CS: variants seen among roughly 807,000 people sequenced by gnomAD.
CS encodes citrate synthase, mitochondrial.
In CS, 13 loss-of-function variants were observed where a neutral mutation model predicts 61.4. That is an observed-to-expected ratio of 0.21 (90% CI 0.14 to 0.34). The LOEUF (loss-of-function observed/expected upper bound fraction) is 0.34. Ranked by LOEUF, CS falls within the 10% of genes least tolerant of loss-of-function variation. The probability of loss-of-function intolerance (pLI) is 1.00; values close to 1 mark genes in which losing one functional copy is unlikely to be tolerated. For missense variants in CS, 278 were observed against 573.4 expected, an observed-to-expected ratio of 0.48 and a Z score of 5.26; for synonymous variants, 159 against 215.2, an observed-to-expected ratio of 0.74 and a Z score of 2.29.
chr12:56,287,566 TTC>T (rs888174032), intron 1 of CS, among the ~76,000 whole-genome samples: 6 of 151,884 alleles, frequency 4.0e-5, no homozygotes, highest in African/African-American at 9.7e-5. Flanking sequence ...TACAGGTAGT[TTC>T]TTTTTTCCTC....
Position 56,283,001 on chromosome 12 carries a change from GGAGA to G in CS, c.268-14_268-11del, listed in dbSNP as rs773439199. ...CTCGGAAACGGATGCCCTTGAGAGA[GGAGA>G]GAGAGAATTACAACTCAAGTTTATA... On this transcript the variant is annotated splice_polypyrimidine_tract_variant and intron_variant, in intron 4 of 10. Coordinates refer to ENST00000351328, the MANE Select transcript of CS (RefSeq NM_004077.3). 3.1e-6 allele frequency: 5 copies of G among 1,613,874 alleles called. No individual in the cohort carries two copies. Among genetic ancestry groups the G allele is most frequent in the Admixed American group, 1.7e-5 (1 of 59,974 alleles).
intron 7 of CS, 80 bp downstream of exon 7, chr12:56,275,916 A>C (rs763049618): frequency 8.3e-6 from 10 of 1,199,520 alleles, no homozygotes; most frequent in Non-Finnish European, 1.2e-5. Context: ...TTCTCAGAAG[A>C]TGAGAACATA....
Position 56,283,155 on chromosome 12 carries a change from C to A in CS, c.268-164G>T, listed in dbSNP as rs138126928. On this transcript the variant is annotated intron_variant, in intron 4 of 10. Coordinates refer to ENST00000351328, the MANE Select transcript of CS (RefSeq NM_004077.3). ...CTATGTTGCTCAGACTGGTCCCGAT[C>A]TTCTGGCCTCACGCAATGCTCCACC... Among the ~76,000 whole-genome samples, 634 of 152,304 alleles carry A rather than the reference C, an allele frequency of 4.2e-3. 4 individuals carry two copies. Among genetic ancestry groups the A allele is most frequent in the African/African-American group, 0.014 (584 of 41,568 alleles).
rs1873316356 is a variant in CS, at chr12:56,296,659, CT to C, written c.42+3500del. On this transcript the variant is annotated intron_variant, in intron 1 of 10. Coordinates refer to ENST00000351328, the MANE Select transcript of CS (RefSeq NM_004077.3). The stretch of plus-strand genomic sequence containing the variant: ...TCCACCAAGTCTGGTTTCCCTTCTG[CT>C]GCCCCTTGGATTTTAAGTCAGGAAT... 2.0e-5 allele frequency among the ~76,000 whole-genome samples: 3 copies of C among 152,306 alleles called. No individual in the cohort carries two copies. The South Asian group carries it at 6.2e-4, about 32-fold the overall frequency.
At position 56,272,817 on chromosome 12, in the gene CS, C is replaced by A. The variant is rs1010004409; in HGVS notation, c.*267G>T. The stretch of plus-strand genomic sequence containing the variant: ...AGAGATAGTGAGGGGGCCAAACCTA[C>A]TCATACCACATGCATTAGTCCTGGT... On this transcript the variant is annotated 3_prime_UTR_variant, in exon 11 of 11. Transcript: ENST00000351328. 4 of 315,314 alleles carry A rather than the reference C, an allele frequency of 1.3e-5. No individual in the cohort carries two copies. The highest frequency in any genetic ancestry group is 2.4e-5 in the Non-Finnish European group (4 of 169,924). 19.5% of individuals were successfully genotyped at this position (315,314 alleles called of 1,614,324 possible). A position where few individuals can be genotyped will look rare whatever the true frequency, so the allele number is the denominator to read the frequency against.
chr12:56,276,858 C>G (rs1872634343), intron 6 of CS, among the ~76,000 whole-genome samples: 1 of 151,950 alleles, frequency 6.6e-6, no homozygotes, highest in African/African-American at 2.4e-5. Context: ...TATGTTTAAT[C>G]ATGATCTTTT....
intron 2 of CS, 26 bp from the exon 3 acceptor site, chr12:56,286,049 G>A (rs1168895467): frequency 1.3e-6 from 2 of 1,567,412 alleles, no homozygotes; most frequent in South Asian, 2.2e-5. Context: ...GAAGGACTAA[G>A]CAATGGTCTA....
chr12:56,272,542 G>C lies in CS; in HGVS notation c.*542C>G, dbSNP rs1288854267. On this transcript the variant is annotated 3_prime_UTR_variant, in exon 11 of 11. Transcript: ENST00000351328. ...GCCATGCCTTTATGGTCACTTGGTA[G>C]TATAAAAAAATTGCCAAAGCATGTC... The C allele has an allele frequency of 6.5e-6, 1 of 152,914 alleles. No homozygotes were observed. The highest frequency in any genetic ancestry group is 2.4e-5 in the African/African-American group (1 of 41,456). The allele number at this position is 152,914 out of a possible 1,614,324, so 9.5% of individuals were successfully genotyped here. A position where few individuals can be genotyped will look rare whatever the true frequency, so the allele number is the denominator to read the frequency against.
chr12:56,286,051 A>C, intron 2 of CS, 28 bp from the exon 3 acceptor site: 1 of 1,567,578 alleles, frequency 6.4e-7, no homozygotes, highest in Middle Eastern at 1.7e-4. Flanking sequence ...AGGACTAAGC[A>C]ATGGTCTAAA....
chr12:56,279,327 G>A (rs888284169), intron 6 of CS, among the ~76,000 whole-genome samples: 3 of 151,988 alleles, frequency 2.0e-5, no homozygotes, highest in Admixed American at 2.0e-4. Flanking sequence ...TAAGGTATAT[G>A]TAAAAACAAC....
At chr12:56,280,111 G>A (rs561031303) in intron 6 of CS, among the ~76,000 whole-genome samples, 2 of 150,664 alleles carry the variant, frequency 1.3e-5, no homozygotes, top group East Asian at 4.0e-4. Context: ...AGCCAACATG[G>A]TGAAACTCTA....
intron 6 of CS, among the ~76,000 whole-genome samples, chr12:56,280,425 C>A (rs813884): frequency 0.64 from 74,805 of 117,388 alleles, 25,167 homozygotes; most frequent in African/African-American, 0.76. Context: ...CCAAAAAAAA[C>A]AAAAAAAAAA....
chr12:56,274,381 GCTCACGAGATCCATCCACCCTGGA>G (rs781195688), intron 9 of CS: 24 of 166,664 alleles, frequency 1.4e-4, no homozygotes, highest in Non-Finnish European at 2.8e-4. Flanking sequence ...AAACTCCTGG[GCTCACGAGATCCATCCACCCTGGA>G]CTCCCAAAGT....
intron 9 of CS, 89 bp from the exon 10 acceptor site, chr12:56,273,885 G>A: frequency 8.8e-7 from 1 of 1,139,120 alleles, no homozygotes; most frequent in Non-Finnish European, 1.3e-6. Flanking sequence ...CCAGGCTGGA[G>A]TGCAGTGGCA....
chr12:56,286,156 C>A, intron 2 of CS, 133 bp from the exon 3 acceptor site: 2 of 665,018 alleles, frequency 3.0e-6, no homozygotes, highest in South Asian at 1.8e-5. Flanking sequence ...CTACTCTGCA[C>A]AAATGAGGGT....
intron 3 of CS, chr12:56,285,031 G>A (rs1872900510): frequency 6.0e-6 from 1 of 165,386 alleles, no homozygotes; most frequent in South Asian, 1.2e-4. Flanking sequence ...TGCAACCTCT[G>A]CCTCCTGGGT....
chr12:56,283,080 A>G, intron 4 of CS, 89 bp from the exon 5 acceptor site: 6 of 1,413,602 alleles, frequency 4.2e-6, no homozygotes, highest in Non-Finnish European at 5.9e-6. Flanking sequence ...ACAACAAGTT[A>G]GAGTAGAACT....
intron 6 of CS, among the ~76,000 whole-genome samples, chr12:56,279,648 C>T (rs921761621): frequency 1.1e-4 from 17 of 152,060 alleles, no homozygotes; most frequent in Non-Finnish European, 2.4e-4. Context: ...TGCCTGTAGT[C>T]CCAACTACTC....
intron 6 of CS, among the ~76,000 whole-genome samples, chr12:56,280,719 A>C (rs1444051469): frequency 2.0e-5 from 3 of 152,182 alleles, no homozygotes; most frequent in African/African-American, 7.2e-5. Flanking sequence ...TCTCAAAAAA[A>C]TAAATAAATA....
Sources: allele counts gnomAD v4.1 joint callset (sites outside exome capture counted in the v4.1 genomes callset), GRCh38; gene constraint gnomAD v4.1.1; transcripts MANE v1.5; gene names NCBI Gene and HGNC (gene_info 2026-07-23, HGNC 2026-07-21).